RPH3A: variants seen among roughly 807,000 people sequenced by gnomAD.
RPH3A encodes the protein rabphilin-3A.
Under a neutral mutation model 102.2 loss-of-function variants are expected in RPH3A, and 48 were observed. The observed-to-expected ratio is 0.47, with a 90% CI of 0.37 to 0.60. The LOEUF is 0.60. RPH3A is among the 20% of genes least tolerant of loss of function. The probability of loss-of-function intolerance (pLI) is 0.00; values close to 1 mark genes in which losing one functional copy is unlikely to be tolerated. For synonymous variants in RPH3A, 310 were observed against 324.3 expected (o/e 0.96, Z 0.47); for missense variants, 781 against 910.1 (o/e 0.86, Z 1.83).
rs1323618560 is a variant in RPH3A at position 112,684,362 on chromosome 12, G to A, written c.-139-107781G>A. ...AAACCTCTGCCTCCTGGGTTCAGGCGATTCTCCTGCCTCAGCCTCCTGAGT... is the reference window on the plus strand; with the variant it reads ...AAACCTCTGCCTCCTGGGTTCAGGCAATTCTCCTGCCTCAGCCTCCTGAGT... On this transcript the variant is annotated intron_variant, in intron 1 of 21. Coordinates refer to the RPH3A transcript ENST00000543106. Among the ~76,000 whole-genome samples, 5 of 151,980 alleles carry A rather than the reference G, an allele frequency of 3.3e-5. No individual in the cohort carries two copies. In the East Asian group the frequency reaches 5.8e-4, roughly 18 times the overall value.
At chr12:112,851,808 T>C (rs1425655752) in intron 5 of RPH3A, among the ~76,000 whole-genome samples, 3 of 152,164 alleles carry the variant, frequency 2.0e-5, no homozygotes, top group Admixed American at 2.0e-4. Context: ...CCACATTTCT[T>C]ATATAAGTGC....
intron 16 of RPH3A, among the ~76,000 whole-genome samples, chr12:112,885,455 T>C (rs1424971484): frequency 6.6e-6 from 1 of 152,264 alleles, no homozygotes; most frequent in Non-Finnish European, 1.5e-5. Flanking sequence ...ACACTTTCTC[T>C]AATGTACACT....
chr12:112,832,233 C>G (rs1279157183), intron 3 of RPH3A, among the ~76,000 whole-genome samples: 1 of 152,162 alleles, frequency 6.6e-6, no homozygotes, highest in African/African-American at 2.4e-5. Flanking sequence ...TGGCTATACT[C>G]TGTCTTAGAG....
chr12:112,847,632 T>A, intron 4 of RPH3A, 64 bp from the exon 5 acceptor site: 1 of 1,552,208 alleles, frequency 6.4e-7, no homozygotes, highest in Non-Finnish European at 8.8e-7. Flanking sequence ...ACAGTGAGTT[T>A]CCCGGCAGGA....
At chr12:112,859,993 C>T (rs1435697742) in intron 5 of RPH3A, among the ~76,000 whole-genome samples, 2 of 152,202 alleles carry the variant, frequency 1.3e-5, no homozygotes, top group Non-Finnish European at 2.9e-5. Flanking sequence ...GGCTGATTGA[C>T]ATGCAGTGAG....
At chr12:112,711,881 G>A (rs534385791) in intron 1 of RPH3A, among the ~76,000 whole-genome samples, 3 of 152,254 alleles carry the variant, frequency 2.0e-5, no homozygotes, top group Admixed American at 6.5e-5. Context: ...TGCCCAGGCT[G>A]GAGTGCAATG....
chr12:112,816,234 C>T (rs1166424794), intron 2 of RPH3A, among the ~76,000 whole-genome samples: 1 of 152,134 alleles, frequency 6.6e-6, no homozygotes, highest in Non-Finnish European at 1.5e-5. Context: ...CTTCAGTTTC[C>T]CCATCTGTAA....
chr12:112,874,348 G>A (rs2042758455), intron 10 of RPH3A, among the ~76,000 whole-genome samples: 1 of 152,192 alleles, frequency 6.6e-6, no homozygotes, highest in Admixed American at 6.5e-5. Flanking sequence ...GACATTAGAT[G>A]AGCTCAGTAA....
chr12:112,878,032 G>C (rs2136240291), intron 13 of RPH3A, among the ~76,000 whole-genome samples: 1 of 152,320 alleles, frequency 6.6e-6, no homozygotes, highest in East Asian at 1.9e-4. Context: ...AGGAGGGGCT[G>C]GTGGTCAATC....
At chr12:112,598,454 T>C (rs898950026) in intron 1 of RPH3A, among the ~76,000 whole-genome samples, 2 of 152,222 alleles carry the variant, frequency 1.3e-5, no homozygotes, top group African/African-American at 4.8e-5. Flanking sequence ...TGAATGATAC[T>C]GGTTTTCAAT....
chr12:112,767,620 A>G (rs2040899339), intron 1 of RPH3A, among the ~76,000 whole-genome samples: 1 of 152,218 alleles, frequency 6.6e-6, no homozygotes, highest in African/African-American at 2.4e-5. Context: ...AGACTTCTAC[A>G]TTCAAATCCC....
intron 2 of RPH3A, among the ~76,000 whole-genome samples, chr12:112,820,433 C>A (rs1054944819): frequency 5.3e-5 from 8 of 152,222 alleles, no homozygotes; most frequent in Non-Finnish European, 1.5e-5. Context: ...TGCATCAGAT[C>A]CTGTAGGTAC....
chr12:112,896,585 C>A, intron 21 of RPH3A, 65 bp from the exon 22 acceptor site: 1 of 1,588,186 alleles, frequency 6.3e-7, no homozygotes, highest in Non-Finnish European at 8.6e-7. Flanking sequence ...TCCCCAACTA[C>A]ACATTTGGGT....
chr12:112,746,970 G>A (rs967122247), intron 1 of RPH3A, among the ~76,000 whole-genome samples: 1 of 152,126 alleles, frequency 6.6e-6, no homozygotes, highest in Admixed American at 6.5e-5. Context: ...CCACTTTCTG[G>A]GAGTGGTTGT....
At chr12:112,763,059 C>T (rs930249592) in intron 1 of RPH3A, among the ~76,000 whole-genome samples, 2 of 152,204 alleles carry the variant, frequency 1.3e-5, no homozygotes, top group Admixed American at 6.5e-5. Flanking sequence ...CGCTTTTCAT[C>T]CTCTAAGATG....
chr12:112,798,783 AC>A (rs2041284266), intron 2 of RPH3A, among the ~76,000 whole-genome samples: 1 of 140,642 alleles, frequency 7.1e-6, no homozygotes, highest in Non-Finnish European at 1.5e-5. Flanking sequence ...TACTTTTCCC[AC>A]CCCTTAAATA....
chr12:112,584,483 A>T (rs933084215), intron 1 of RPH3A, among the ~76,000 whole-genome samples: 15 of 152,296 alleles, frequency 9.8e-5, no homozygotes, highest in Admixed American at 5.9e-4. Flanking sequence ...AGCCAGGGTC[A>T]CATGGTCTAC....
rs150436537 is a variant in RPH3A, at chr12:112,814,292, G to A, written c.-18-14009G>A. On this transcript the variant is annotated intron_variant, in intron 2 of 21. Transcript: ENST00000389385. ...AAGTCAAATGCCCCCTATATGTGGG[G>A]CATTTTAACCACATATAAGAGAGAA... is the stretch of plus-strand genomic sequence containing the variant. 2.9e-3 allele frequency among the ~76,000 whole-genome samples: 444 copies of A among 152,124 alleles called. 2 individuals are homozygous for A. Among genetic ancestry groups the A allele is most frequent in the African/African-American group, 0.01 (427 of 41,484 alleles).
At chr12:112,711,754 A>G (rs914141505) in intron 1 of RPH3A, among the ~76,000 whole-genome samples, 1 of 152,170 alleles carries the variant, frequency 6.6e-6, no homozygotes, top group Admixed American at 6.5e-5. Context: ...GTGATAACCC[A>G]TACTGCTTGC....
Sources: allele counts gnomAD v4.1 joint callset (sites outside exome capture counted in the v4.1 genomes callset), GRCh38; gene constraint gnomAD v4.1.1; transcripts MANE v1.5; gene names NCBI Gene and HGNC (gene_info 2026-07-23, HGNC 2026-07-21).